LRRTM4: variants seen among roughly 807,000 people sequenced by gnomAD.
LRRTM4 encodes leucine-rich repeat transmembrane neuronal protein 4.
In LRRTM4, 25 loss-of-function variants were observed where a neutral mutation model predicts 47.6. The observed-to-expected ratio is 0.53, with a 90% CI of 0.38 to 0.73. LRRTM4 has a LOEUF of 0.73. Ranked by LOEUF, LRRTM4 falls within the 30% of genes least tolerant of loss-of-function variation. LRRTM4 has a pLI of 0.00. For missense variants in LRRTM4, 638 were observed against 713.4 expected (o/e 0.89, Z 1.20); for synonymous variants, 311 against 269.5 (o/e 1.15, Z -1.51).
In LRRTM4 at chr2:77,373,088, A is replaced by AATATATATATATAT. The variant is rs1553435843; in HGVS notation, c.1551+145216_1551+145229dup. Among the ~76,000 whole-genome samples, 3 of 140,354 alleles carry AATATATATATATAT rather than the reference A, an allele frequency of 2.1e-5. No homozygotes were observed. The South Asian group carries it at 6.9e-4, about 32-fold the overall frequency. The allele number at this position is 140,354 out of a possible 152,430, so 92.1% of individuals were successfully genotyped here. A position where few individuals can be genotyped will look rare whatever the true frequency, so the allele number is the denominator to read the frequency against. ...AAAGCAAACCAACAATTAAAAAAAA[A>AATATATATATATAT]ATATATATATATATATATATACGCA... On this transcript the variant is annotated intron_variant, in intron 3 of 3. Coordinates refer to ENST00000409884, the MANE Select transcript of LRRTM4 (RefSeq NM_001134745.3).
chr2:77,501,929 C>A (rs1256092877), intron 3 of LRRTM4, among the ~76,000 whole-genome samples: 2 of 151,046 alleles, frequency 1.3e-5, no homozygotes, highest in African/African-American at 4.8e-5. Flanking sequence ...TCAATTAGAA[C>A]AAATCATTGC....
At chr2:76,836,557 TTGA>T (rs1353841819) in intron 3 of LRRTM4, among the ~76,000 whole-genome samples, 1 of 150,910 alleles carries the variant, frequency 6.6e-6, no homozygotes, top group African/African-American at 2.5e-5. Flanking sequence ...AATAATAATA[TTGA>T]TGATAATTAA....
intron 3 of LRRTM4, among the ~76,000 whole-genome samples, chr2:77,021,932 TG>T (rs1453455299): frequency 1.3e-5 from 2 of 152,190 alleles, no homozygotes; most frequent in Admixed American, 1.3e-4. Context: ...CCCTAGAATT[TG>T]TTCACCTTAT....
chr2:77,355,048 T>A lies in LRRTM4; in HGVS notation c.1551+163270A>T, dbSNP rs1341225930. Among the ~76,000 whole-genome samples, 5 of 152,240 alleles carry A rather than the reference T, an allele frequency of 3.3e-5. No homozygotes were observed. The East Asian group carries it at 9.6e-4, about 29-fold the overall frequency. ...TATTTTACCGAAATGTACTATTGAA[T>A]ATGAGAAAGAACATGATCCTCTCAT... On this transcript the variant is annotated intron_variant, in intron 3 of 3. Transcript: ENST00000409884.
intron 3 of LRRTM4, among the ~76,000 whole-genome samples, chr2:77,208,267 G>C (rs887459659): frequency 1.3e-5 from 2 of 152,144 alleles, no homozygotes; most frequent in Admixed American, 1.3e-4. Flanking sequence ...GGAACTAGAT[G>C]CTATAAGGGA....
chr2:76,908,997 A>C (rs1373395476), intron 3 of LRRTM4, among the ~76,000 whole-genome samples: 1 of 152,190 alleles, frequency 6.6e-6, no homozygotes, highest in African/African-American at 2.4e-5. Flanking sequence ...AAACTACTTT[A>C]AAGTTCACAT....
chr2:77,024,763 G>A (rs759835021), intron 3 of LRRTM4, among the ~76,000 whole-genome samples: 22 of 152,120 alleles, frequency 1.4e-4, no homozygotes, highest in Non-Finnish European at 2.2e-4. Context: ...TAATATGCTT[G>A]TAAAAGTATA....
chr2:77,506,975 A>G (rs1034794057), intron 3 of LRRTM4, among the ~76,000 whole-genome samples: 1 of 152,054 alleles, frequency 6.6e-6, no homozygotes, highest in African/African-American at 2.4e-5. Flanking sequence ...TCTAATAGCC[A>G]CAGTCACATA....
chr2:77,135,257 A>G (rs1671903718), intron 3 of LRRTM4, among the ~76,000 whole-genome samples: 1 of 152,214 alleles, frequency 6.6e-6, no homozygotes, highest in East Asian at 1.9e-4. Flanking sequence ...GGTTCTCTGC[A>G]TGCGGCAGAC....
intron 3 of LRRTM4, among the ~76,000 whole-genome samples, chr2:76,903,107 C>T (rs554956473): frequency 2.7e-4 from 41 of 152,234 alleles, no homozygotes; most frequent in African/African-American, 9.4e-4. Context: ...CACAGTGGCT[C>T]GTGCCTGTAA....
At chr2:77,060,298 C>T (rs1209209899) in intron 3 of LRRTM4, among the ~76,000 whole-genome samples, 1 of 151,948 alleles carries the variant, frequency 6.6e-6, no homozygotes, top group Non-Finnish European at 1.5e-5. Flanking sequence ...GGGGGTGTGG[C>T]ATTTTCAAAT....
At chr2:76,815,533 C>T (rs1326828170) in intron 3 of LRRTM4, among the ~76,000 whole-genome samples, 1 of 152,066 alleles carries the variant, frequency 6.6e-6, no homozygotes, top group Non-Finnish European at 1.5e-5. Flanking sequence ...AAGGCAGGAT[C>T]TGACAAATAG....
At chr2:76,777,146 G>C (rs1674053181) in intron 3 of LRRTM4, among the ~76,000 whole-genome samples, 1 of 150,306 alleles carries the variant, frequency 6.7e-6, no homozygotes, top group Non-Finnish European at 1.5e-5. Flanking sequence ...GTACCATGCT[G>C]TTTTGGTTAC....
At chr2:77,089,167 A>T (rs531517543) in intron 3 of LRRTM4, among the ~76,000 whole-genome samples, 1 of 151,844 alleles carries the variant, frequency 6.6e-6, no homozygotes, top group East Asian at 1.9e-4. Context: ...AAATACCCCA[A>T]CCCCTTCTCT....
chr2:77,074,038 G>A (rs1680252431), intron 3 of LRRTM4, among the ~76,000 whole-genome samples: 1 of 151,718 alleles, frequency 6.6e-6, no homozygotes, highest in African/African-American at 2.4e-5. Context: ...CCCCTACATT[G>A]TTTAAAAAGT....
At chr2:76,820,342 A>G (rs1671018162) in intron 3 of LRRTM4, among the ~76,000 whole-genome samples, 1 of 151,712 alleles carries the variant, frequency 6.6e-6, no homozygotes, top group Admixed American at 6.6e-5. Context: ...AACTTTCACT[A>G]CATCAAATTA....
At chr2:76,932,191 T>C (rs1189950194) in intron 3 of LRRTM4, among the ~76,000 whole-genome samples, 1 of 152,116 alleles carries the variant, frequency 6.6e-6, no homozygotes, top group East Asian at 1.9e-4. Context: ...ACCTCCTTAG[T>C]AGCTAGACTT....
chr2:77,504,328 TAA>T (rs1194116047), intron 3 of LRRTM4, among the ~76,000 whole-genome samples: 3 of 151,570 alleles, frequency 2.0e-5, no homozygotes, highest in African/African-American at 7.3e-5. Context: ...CCATAAAGTC[TAA>T]AATATTGACT....
chr2:77,520,690 A>C (rs1166055837), intron 2 of LRRTM4, among the ~76,000 whole-genome samples: 1 of 152,100 alleles, frequency 6.6e-6, no homozygotes, highest in Non-Finnish European at 1.5e-5. Flanking sequence ...TGCAAATTCG[A>C]AGGATAAACA....
Sources: gnomAD v4.1 joint callset for allele counts (sites outside exome capture counted in the v4.1 genomes callset) on GRCh38, gnomAD v4.1.1 for gene constraint, MANE v1.5 for transcripts, NCBI Gene and HGNC (gene_info 2026-07-23, HGNC 2026-07-21) for gene names.